The following EXOC6B variants were observed in gnomAD, a reference collection of about 807,000 sequenced individuals.
EXOC6B encodes exocyst complex component 6B.
In EXOC6B, 54 loss-of-function variants were observed where a neutral mutation model predicts 113.5. The observed-to-expected ratio is 0.48, with a 90% CI of 0.38 to 0.60. The LOEUF is 0.60. EXOC6B is among the 20% of genes least tolerant of loss of function. EXOC6B has a pLI of 0.00. For missense variants in EXOC6B, 797 were observed against 977.5 expected (o/e 0.82, Z 2.46); for synonymous variants, 357 against 339.0 (o/e 1.05, Z -0.58).
At chr2:72,490,551 A>T (rs1699683974) in intron 16 of EXOC6B, among the ~76,000 whole-genome samples, 1 of 152,198 alleles carries the variant, frequency 6.6e-6, no homozygotes. Context: ...AAATCACTTT[A>T]TGTGTATGTG....
intron 1 of EXOC6B, among the ~76,000 whole-genome samples, chr2:72,812,955 A>C (rs963046625): frequency 5.3e-5 from 8 of 152,218 alleles, no homozygotes; most frequent in Non-Finnish European, 1.2e-4. Context: ...GAGGGTAAAA[A>C]AACAAGCTAC....
At chr2:72,802,113 G>A (rs549420971) in intron 1 of EXOC6B, among the ~76,000 whole-genome samples, 13 of 152,026 alleles carry the variant, frequency 8.6e-5, no homozygotes, top group Middle Eastern at 3.4e-3. Flanking sequence ...TCACAAGGTC[G>A]GGAGTTCAAG....
chr2:72,725,705 A>T (rs1239963885), intron 5 of EXOC6B, among the ~76,000 whole-genome samples: 1 of 152,186 alleles, frequency 6.6e-6, no homozygotes, highest in Non-Finnish European at 1.5e-5. Flanking sequence ...GTAGACAATA[A>T]TAAGTATTGG....
intron 6 of EXOC6B, among the ~76,000 whole-genome samples, chr2:72,713,363 G>T (rs901310693): frequency 6.6e-6 from 1 of 152,054 alleles, no homozygotes; most frequent in Non-Finnish European, 1.5e-5. Context: ...AGCATACTTA[G>T]AAATGTTTGG....
intron 20 of EXOC6B, among the ~76,000 whole-genome samples, chr2:72,201,803 T>TAACAGGAACA (rs1679510693): frequency 6.6e-6 from 1 of 152,204 alleles, no homozygotes; most frequent in South Asian, 2.1e-4. Flanking sequence ...TCTGCTTCCA[T>TAACAGGAACA]AGTTATTGTG....
intron 18 of EXOC6B, among the ~76,000 whole-genome samples, chr2:72,458,128 T>G (rs181357182): frequency 1.3e-5 from 2 of 152,272 alleles, no homozygotes; most frequent in Admixed American, 6.5e-5. Flanking sequence ...ATACATTTTT[T>G]CTATCAATCA....
chr2:72,351,483 G>T (rs1211556287), intron 19 of EXOC6B, among the ~76,000 whole-genome samples: 6 of 152,086 alleles, frequency 3.9e-5, no homozygotes, highest in African/African-American at 7.2e-5. Context: ...TTCCTCAACT[G>T]CAATCTGGTT....
chr2:72,633,456 T>C (rs984828073), intron 6 of EXOC6B, among the ~76,000 whole-genome samples: 2 of 152,090 alleles, frequency 1.3e-5, no homozygotes, highest in African/African-American at 4.8e-5. Flanking sequence ...ACTTCCCCCA[T>C]GCCCTATATC....
intron 18 of EXOC6B, among the ~76,000 whole-genome samples, chr2:72,424,108 G>T (rs901230283): frequency 7.1e-6 from 1 of 141,290 alleles, no homozygotes; most frequent in Non-Finnish European, 1.5e-5. Flanking sequence ...AAAGGTTACT[G>T]TTATTTTTGC....
intron 6 of EXOC6B, among the ~76,000 whole-genome samples, chr2:72,623,520 C>A (rs547848486): frequency 1.5e-4 from 23 of 152,196 alleles, no homozygotes; most frequent in African/African-American, 5.1e-4. Context: ...AGAAACAATG[C>A]CCTTCAACTA....
At chr2:72,379,502 T>G (rs1489237495) in intron 19 of EXOC6B, among the ~76,000 whole-genome samples, 1 of 152,228 alleles carries the variant, frequency 6.6e-6, no homozygotes, top group Non-Finnish European at 1.5e-5. Context: ...CAAACTTCCT[T>G]GTAGCTAGAG....
intron 19 of EXOC6B, among the ~76,000 whole-genome samples, chr2:72,354,843 A>G (rs1689880490): frequency 6.6e-6 from 1 of 152,236 alleles, no homozygotes; most frequent in African/African-American, 2.4e-5. Flanking sequence ...GTCAGATAAG[A>G]GCAAACAAAG....
In EXOC6B at chr2:72,252,151, G is replaced by T. The variant is rs192087882; in HGVS notation, c.2197-67964C>A. Among the ~76,000 whole-genome samples, 4 of 152,212 alleles carry T rather than the reference G, an allele frequency of 2.6e-5. 1 individual carries two copies. In the East Asian group the frequency reaches 5.8e-4, roughly 22 times the overall value. Reference sequence around the variant, plus strand: ...TTATTCTACTACTGAGTAGTATTAGGGCACAAGAAAGGGAAGATGGGCATT... The same window carrying T: ...TTATTCTACTACTGAGTAGTATTAGTGCACAAGAAAGGGAAGATGGGCATT... On this transcript the variant is annotated intron_variant, in intron 20 of 21. Transcript: ENST00000272427.
chr2:72,572,376 C>T (rs2103799874), intron 7 of EXOC6B, among the ~76,000 whole-genome samples: 1 of 152,196 alleles, frequency 6.6e-6, no homozygotes, highest in East Asian at 1.9e-4. Context: ...CATTAAATGT[C>T]AAGAAACATT....
intron 19 of EXOC6B, among the ~76,000 whole-genome samples, chr2:72,359,925 G>C (rs968335293): frequency 3.3e-5 from 5 of 152,002 alleles, no homozygotes; most frequent in Non-Finnish European, 7.4e-5. Flanking sequence ...TTCTCTTGCT[G>C]GTTCTCTTGC....
chr2:72,757,941 G>A (rs1396442498), intron 1 of EXOC6B, among the ~76,000 whole-genome samples: 2 of 152,020 alleles, frequency 1.3e-5, no homozygotes, highest in African/African-American at 4.8e-5. Context: ...CAGGAAGATT[G>A]CTTGAGCCAA....
chr2:72,697,111 T>TAGATATAGATAC (rs1677941381), intron 6 of EXOC6B, among the ~76,000 whole-genome samples: 1 of 134,322 alleles, frequency 7.4e-6, no homozygotes, highest in Non-Finnish European at 1.6e-5. Context: ...TATACAGATA[T>TAGATATAGATAC]AGATATAGAT....
chr2:72,401,410 C>T (rs567511618), intron 18 of EXOC6B, among the ~76,000 whole-genome samples: 9 of 141,780 alleles, frequency 6.3e-5, no homozygotes, highest in Non-Finnish European at 1.1e-4. Context: ...TGCAGTGAGC[C>T]GAGATCATGC....
At chr2:72,465,433 A>G in intron 17 of EXOC6B, 94 bp from the exon 18 acceptor site, 1 of 908,596 alleles carries the variant, frequency 1.1e-6, no homozygotes, top group Non-Finnish European at 1.7e-6. Flanking sequence ...TCCATTAAGT[A>G]ACTGGGAATA....
Sources: allele counts gnomAD v4.1 joint callset (sites outside exome capture counted in the v4.1 genomes callset), GRCh38; gene constraint gnomAD v4.1.1; transcripts MANE v1.5; gene names NCBI Gene and HGNC (gene_info 2026-07-23, HGNC 2026-07-21).